CD84: variants seen among roughly 807,000 people sequenced by gnomAD.
The protein encoded by CD84 is CD84 molecule, also known as SLAM family member 5.
Under a neutral mutation model 33.8 loss-of-function variants are expected in CD84, and 22 were observed. The observed-to-expected ratio is 0.65, with a 90% CI of 0.46 to 0.93. The LOEUF is 0.93. Among genes scored for constraint, CD84 ranks in the 40% least tolerant of loss-of-function variants. CD84 has a pLI of 0.00. For missense variants in CD84, 400 were observed against 397.6 expected (o/e 1.01, Z -0.05); for synonymous variants, 154 against 145.2 (o/e 1.06, Z -0.44).
chr1:160,547,307 C>G lies in CD84; in HGVS notation c.*949G>C, dbSNP rs1655886476. 1 of 397,176 alleles carries G rather than the reference C, an allele frequency of 2.5e-6. No individual in the cohort carries two copies. The highest frequency in any genetic ancestry group is 2.1e-5 in the African/African-American group (1 of 48,580). The allele number at this position is 397,176 out of a possible 1,614,324, so 24.6% of individuals were successfully genotyped here. On this transcript the variant is annotated 3_prime_UTR_variant, in exon 7 of 7. Transcript: ENST00000368054. ...TTTGATGGTTGGATTATACCCAGTT[C>G]CCCAGAAGTGTGAGAAATATAAGCT...
intron 1 of CD84, among the ~76,000 whole-genome samples, chr1:160,576,911 T>C (rs1658019726): frequency 1.3e-5 from 2 of 151,984 alleles, no homozygotes; most frequent in Non-Finnish European, 2.9e-5. Context: ...GTTGAAGAAA[T>C]AGAAATACGA....
At position 160,577,003 on chromosome 1, in the gene CD84, C is replaced by T. The variant is rs1301490865; in HGVS notation, c.46+2389G>A. 3.9e-5 allele frequency among the ~76,000 whole-genome samples: 6 copies of T among 152,090 alleles called. No homozygotes were observed. The East Asian group carries it at 1.2e-3, about 29-fold the overall frequency. The stretch of plus-strand genomic sequence containing the variant: ...GGCAAGGATTAAAACTGGTGGACTC[C>T]TTCATCTCCTACCCTCAGAGTGGGA... On this transcript the variant is annotated intron_variant, in intron 1 of 6. Transcript: ENST00000368054.
At chr1:160,562,322 A>G (rs923731931) in intron 2 of CD84, among the ~76,000 whole-genome samples, 33 of 152,302 alleles carry the variant, frequency 2.2e-4, no homozygotes, top group African/African-American at 7.9e-4. Flanking sequence ...CCAACTTCAA[A>G]CTATACTACA....
At chr1:160,548,512 C>A (rs111800168) in intron 6 of CD84, among the ~76,000 whole-genome samples, 191 bp from the exon 7 acceptor site, 3,783 of 152,176 alleles carry the variant, frequency 0.025, 84 homozygotes, top group African/African-American at 0.058. Context: ...AGCTACCCCC[C>A]ATTTGGGAGG....
chr1:160,547,516 C>A lies in CD84; in HGVS notation c.*740G>T. ...GCAGAAAGAACATTTTCCAACACTC[C>A]ATTTGGAGAGTGTGTCTACATGGCT... On this transcript the variant is annotated 3_prime_UTR_variant, in exon 7 of 7. Transcript: ENST00000368054. 1 of 232,226 alleles carries A rather than the reference C, an allele frequency of 4.3e-6. No homozygotes were observed. The allele number at this position is 232,226 out of a possible 1,614,324, so 14.4% of individuals were successfully genotyped here. A position where few individuals can be genotyped will look rare whatever the true frequency, so the allele number is the denominator to read the frequency against.
chr1:160,575,307 A>C (rs564032863), intron 1 of CD84, among the ~76,000 whole-genome samples: 1 of 152,276 alleles, frequency 6.6e-6, no homozygotes, highest in East Asian at 1.9e-4. Context: ...AGAGGGGAAG[A>C]GGAAGCACAG....
At chr1:160,552,695 G>T (rs1179227920) in intron 4 of CD84, 2 of 1,542,260 alleles carry the variant, frequency 1.3e-6, no homozygotes, top group Admixed American at 3.9e-5. Context: ...CTTTGTGGCT[G>T]AGAACTTACA....
In CD84 at chr1:160,550,795, T is replaced by C. The variant is rs1656162053; in HGVS notation, c.858+143A>G. The C allele has an allele frequency of 2.0e-6, 3 of 1,514,570 alleles. No individual in the cohort carries two copies. In the South Asian group the frequency reaches 3.9e-5, roughly 20 times the overall value. 93.8% of individuals were successfully genotyped at this position (1,514,570 alleles called of 1,614,324 possible). On this transcript the variant is annotated intron_variant, in intron 5 of 6. Transcript: ENST00000368054. ...AGAAAGATCCGTGGCATCACTTCCC[T>C]GACATGGTATTTCCTGGTTGGAACC...
rs184593666 is a variant in CD84 at position 160,546,792 on chromosome 1, G to A, written c.*1464C>T. ...GCTGCAGTTCAGCGTTAACTGTAGT[G>A]TCTGTGCTGGAATTGTCTCCTGAGC... is the stretch of plus-strand genomic sequence containing the variant. On this transcript the variant is annotated 3_prime_UTR_variant, in exon 7 of 7. Coordinates refer to ENST00000368054, the MANE Select transcript of CD84 (RefSeq NM_003874.4). 1.7e-5 allele frequency: 4 copies of A among 230,812 alleles called. No individual in the cohort carries two copies. The highest frequency in any genetic ancestry group is 2.5e-5 in the Non-Finnish European group (3 of 119,652). The allele number at this position is 230,812 out of a possible 1,614,324, so 14.3% of individuals were successfully genotyped here. A position where few individuals can be genotyped will look rare whatever the true frequency, so the allele number is the denominator to read the frequency against.
At chr1:160,579,266 G>A (rs1233678170) in intron 1 of CD84, 126 bp downstream of exon 1, 9 of 1,306,558 alleles carry the variant, frequency 6.9e-6, no homozygotes, top group South Asian at 4.0e-5. Flanking sequence ...GTTGAGTACA[G>A]TAGATACTGA....
intron 3 of CD84, 59 bp from the exon 4 acceptor site, chr1:160,553,556 C>T: frequency 6.3e-7 from 1 of 1,598,300 alleles, no homozygotes; most frequent in African/African-American, 1.3e-5. Context: ...AGAGGCTGGG[C>T]AGGTTTGCCC....
intron 2 of CD84, 109 bp downstream of exon 2, chr1:160,565,295 G>C: frequency 2.7e-6 from 2 of 733,186 alleles, no homozygotes; most frequent in South Asian, 1.9e-5. Flanking sequence ...AGTATTTATA[G>C]ATATAAAAAG....
chr1:160,579,386 A>G lies in CD84; in HGVS notation c.46+6T>C. On this transcript the variant is annotated splice_donor_region_variant and intron_variant, in intron 1 of 6. Coordinates refer to ENST00000368054, the MANE Select transcript of CD84 (RefSeq NM_003874.4). Reference sequence around the variant, plus strand: ...TAGGAGGCGATCAGCAAGGGTCAGAACTCACAGGTTTGCAGGCAAAGGAGC... The same window carrying G: ...TAGGAGGCGATCAGCAAGGGTCAGAGCTCACAGGTTTGCAGGCAAAGGAGC... 1 of 1,613,142 alleles carries G rather than the reference A, an allele frequency of 6.2e-7. No homozygotes were observed. Among genetic ancestry groups the G allele is most frequent in the South Asian group, 1.1e-5 (1 of 91,062 alleles).
At chr1:160,570,489 T>C (rs911054312) in intron 1 of CD84, among the ~76,000 whole-genome samples, 2 of 152,184 alleles carry the variant, frequency 1.3e-5, no homozygotes, top group Non-Finnish European at 2.9e-5. Flanking sequence ...TGCTTTCTTC[T>C]AGCTAACGTT....
chr1:160,579,252 T>C, intron 1 of CD84, 140 bp downstream of exon 1: 2 of 1,087,340 alleles, frequency 1.8e-6, no homozygotes, highest in Non-Finnish European at 1.3e-6. Context: ...GCCAGTTGGA[T>C]CCTGTTGAGT....
chr1:160,549,531 A>G (rs1656057646), intron 6 of CD84, among the ~76,000 whole-genome samples: 1 of 152,198 alleles, frequency 6.6e-6, no homozygotes. Context: ...CTTCTGCTCC[A>G]TTGCACCCAT....
chr1:160,561,471 T>C (rs7546298), intron 2 of CD84, among the ~76,000 whole-genome samples: 3,102 of 152,270 alleles, frequency 0.02, 107 homozygotes, highest in African/African-American at 0.071. Flanking sequence ...CATCACTTCA[T>C]GTTAAACACT....
intron 1 of CD84, among the ~76,000 whole-genome samples, chr1:160,572,219 T>C (rs1415940770): frequency 1.3e-5 from 2 of 152,068 alleles, no homozygotes; most frequent in Non-Finnish European, 2.9e-5. Flanking sequence ...TGAGGACACA[T>C]AGAAGGTGCT....
At chr1:160,576,120 A>G (rs1042714784) in intron 1 of CD84, among the ~76,000 whole-genome samples, 1 of 152,144 alleles carries the variant, frequency 6.6e-6, no homozygotes, top group Non-Finnish European at 1.5e-5. Flanking sequence ...AAGACCCCTC[A>G]ATGCAAGGAC....
Sources: gnomAD v4.1 joint callset for allele counts (sites outside exome capture counted in the v4.1 genomes callset) on GRCh38, gnomAD v4.1.1 for gene constraint, MANE v1.5 for transcripts, NCBI Gene and HGNC (gene_info 2026-07-23, HGNC 2026-07-21) for gene names.